Variants in KIF16B observed in about 807,000 individuals in gnomAD.
KIF16B encodes kinesin family member 16B, also known as kinesin-like protein KIF16B.
KIF16B carries 98 observed loss-of-function variants against 156.3 expected under a neutral mutation model. The observed-to-expected ratio is 0.63, with a 90% CI of 0.53 to 0.74. KIF16B has a LOEUF of 0.74. Ranked by LOEUF, KIF16B falls within the 30% of genes least tolerant of loss-of-function variation. The pLI is 0.00. For missense variants in KIF16B, 1,421 were observed against 1,606.5 expected (o/e 0.88, Z 1.97); for synonymous variants, 564 against 583.7 (o/e 0.97, Z 0.49).
chr20:16,518,201 A>G (rs2069208431), intron 3 of KIF16B, among the ~76,000 whole-genome samples: 1 of 152,148 alleles, frequency 6.6e-6, no homozygotes, highest in African/African-American at 2.4e-5. Context: ...TGACCTGGAA[A>G]AGCAGCCGGC....
At chr20:16,330,006 A>G (rs2063920537) in intron 24 of KIF16B, among the ~76,000 whole-genome samples, 1 of 152,164 alleles carries the variant, frequency 6.6e-6, no homozygotes, top group Non-Finnish European at 1.5e-5. Flanking sequence ...TTTTATTCAT[A>G]TAATCTGTCA....
In KIF16B at chr20:16,379,245, A is replaced by T; in HGVS notation, c.2757T>A (p.Thr919=). The T allele has an allele frequency of 6.2e-7, 1 of 1,614,072 alleles. No homozygotes were observed. The highest frequency in any genetic ancestry group is 1.1e-5 in the South Asian group (1 of 91,082). ...LQYLLQNHLP[T]LLEEKQRAFE... ...ATGCTCTCTGCTTTTCTTCCAACAGAGTTGGCAAGTGATTCTGCAGGAGGT... is the reference window on the plus strand; with the variant it reads ...ATGCTCTCTGCTTTTCTTCCAACAGTGTTGGCAAGTGATTCTGCAGGAGGT... Residue 919 remains threonine (T), a synonymous_variant, in exon 19 of 26, where the codon ACT becomes ACA. Transcript: ENST00000354981.
chr20:16,559,755 G>A (rs992532270), intron 1 of KIF16B, among the ~76,000 whole-genome samples: 10 of 150,408 alleles, frequency 6.6e-5, no homozygotes, highest in African/African-American at 2.2e-4. Context: ...TCCAGCCTGG[G>A]TGACAGAGCA....
chr20:16,310,635 G>T (rs1442239407), intron 25 of KIF16B, among the ~76,000 whole-genome samples: 1 of 152,172 alleles, frequency 6.6e-6, no homozygotes, highest in Non-Finnish European at 1.5e-5. Context: ...GCAGGGAAGA[G>T]TTAGGTAAAG....
intron 23 of KIF16B, among the ~76,000 whole-genome samples, chr20:16,350,735 C>CG (rs370781869): frequency 1.2e-4 from 17 of 140,140 alleles, no homozygotes; most frequent in Admixed American, 5.7e-4. Context: ...TGGGTGGGGG[C>CG]GGGGGGGAAG....
chr20:16,495,707 A>G (rs6135764), intron 11 of KIF16B, among the ~76,000 whole-genome samples: 34,387 of 151,918 alleles, frequency 0.23, 4,461 homozygotes, highest in East Asian at 0.36. Flanking sequence ...TTTGTTTTTT[A>G]GAGATGGGGT....
At chr20:16,565,159 T>C (rs2071207492) in intron 1 of KIF16B, among the ~76,000 whole-genome samples, 2 of 152,222 alleles carry the variant, frequency 1.3e-5, no homozygotes, top group African/African-American at 4.8e-5. Context: ...GAAGTGGTTC[T>C]CAAATGTTGT....
At chr20:16,422,863 T>C (rs1259225427) in intron 15 of KIF16B, among the ~76,000 whole-genome samples, 2 of 152,098 alleles carry the variant, frequency 1.3e-5, no homozygotes, top group African/African-American at 4.8e-5. Flanking sequence ...CAAATTACAT[T>C]TTAGCACAAC....
At chr20:16,290,411 T>C (rs906391435) in intron 25 of KIF16B, among the ~76,000 whole-genome samples, 2 of 152,136 alleles carry the variant, frequency 1.3e-5, no homozygotes, top group Non-Finnish European at 2.9e-5. Flanking sequence ...CCTAAGGTAG[T>C]TTGTGTACTG....
In KIF16B at chr20:16,504,512, G is replaced by T; in HGVS notation, c.1036C>A (p.Leu346Ile). The change falls in exon 10 of 26, where the codon CTA (leucine) becomes ATA (isoleucine). Residue 346 changes from leucine (L) to isoleucine (I), a missense_variant. Transcript: ENST00000354981. ...CTATTTGCATAGCGAAGAGTACTTA[G>T]GGTTTCTCCATAATTGACATCAGCA... ...SPADVNYGET[L>I]STLRYANRAK... 6.2e-7 allele frequency: 1 copy of T among 1,613,930 alleles called. No individual in the cohort carries two copies. The highest frequency in any genetic ancestry group is 8.5e-7 in the Non-Finnish European group (1 of 1,179,924).
chr20:16,346,274 C>G (rs2064232992), intron 23 of KIF16B, among the ~76,000 whole-genome samples: 1 of 152,218 alleles, frequency 6.6e-6, no homozygotes, highest in South Asian at 2.1e-4. Flanking sequence ...AGTCCTCGAT[C>G]TGCCCGTCTG....
intron 17 of KIF16B, among the ~76,000 whole-genome samples, chr20:16,399,099 G>A (rs1041356057): frequency 6.6e-6 from 1 of 152,144 alleles, no homozygotes; most frequent in Admixed American, 6.5e-5. Flanking sequence ...TTTGATTCCT[G>A]TTAAAACTGG....
intron 12 of KIF16B, among the ~76,000 whole-genome samples, chr20:16,482,090 T>C (rs1334167800): frequency 6.6e-6 from 1 of 152,142 alleles, no homozygotes; most frequent in African/African-American, 2.4e-5. Context: ...GAGAAGTGTA[T>C]AGTCATCTTC....
At chr20:16,294,874 C>T (rs2063361170) in intron 25 of KIF16B, among the ~76,000 whole-genome samples, 2 of 152,202 alleles carry the variant, frequency 1.3e-5, no homozygotes, top group Middle Eastern at 3.4e-3. Flanking sequence ...CTGTTAGCCA[C>T]CCTCATGAGC....
rs570423206 is a variant in KIF16B at position 16,498,106 on chromosome 20, C to T, written c.1177-428G>A. Among the ~76,000 whole-genome samples, 237 of 152,270 alleles carry T rather than the reference C, an allele frequency of 1.6e-3. 1 individual carries two copies. Among genetic ancestry groups the T allele is most frequent in the Admixed American group, 4.3e-3 (66 of 15,298 alleles). On this transcript the variant is annotated intron_variant, in intron 10 of 25. Transcript: ENST00000354981. ...CATGAAAATGAAACGCATTTATTTT[C>T]ACTGCTGATGGTATACCCCATATGG... is the stretch of plus-strand genomic sequence containing the variant.
At chr20:16,302,065 TCA>T (rs1347667646) in intron 25 of KIF16B, among the ~76,000 whole-genome samples, 2 of 152,354 alleles carry the variant, frequency 1.3e-5, no homozygotes, top group East Asian at 3.9e-4. Flanking sequence ...ATATTTTTTC[TCA>T]GTCTGTAGAT....
intron 25 of KIF16B, among the ~76,000 whole-genome samples, chr20:16,286,562 C>A (rs1457830206): frequency 6.6e-6 from 1 of 152,082 alleles, no homozygotes; most frequent in African/African-American, 2.4e-5. Flanking sequence ...TAAACATCGT[C>A]ATCTTTCTCC....
At chr20:16,550,657 C>T (rs1454927260) in intron 1 of KIF16B, among the ~76,000 whole-genome samples, 1 of 151,328 alleles carries the variant, frequency 6.6e-6, no homozygotes, top group Non-Finnish European at 1.5e-5. Context: ...CCTCAGCCTC[C>T]CAAGTAGCTA....
chr20:16,299,802 G>A (rs1439306459), intron 25 of KIF16B, among the ~76,000 whole-genome samples: 2 of 152,162 alleles, frequency 1.3e-5, no homozygotes, highest in Admixed American at 1.3e-4. Flanking sequence ...TTTCAGTACT[G>A]TAGAAAGTTA....
Sources: gnomAD v4.1 joint callset for allele counts (sites outside exome capture counted in the v4.1 genomes callset) on GRCh38, gnomAD v4.1.1 for gene constraint, MANE v1.5 for transcripts, NCBI Gene and HGNC (gene_info 2026-07-23, HGNC 2026-07-21) for gene names.